PAK3: variants seen among roughly 807,000 people sequenced by gnomAD.
PAK3 encodes the protein p21 (RAC1) activated kinase 3.
A neutral mutation model predicts 41.0 loss-of-function variants in PAK3; 4 were observed. The observed-to-expected ratio is 0.10, with a 90% CI of 0.05 to 0.22. PAK3 has a LOEUF of 0.22. Ranked by LOEUF, PAK3 falls within the 10% of genes least tolerant of loss-of-function variation. PAK3 has a pLI of 1.00. For synonymous variants in PAK3, 146 were observed against 139.6 expected (o/e 1.05, Z -0.32); for missense variants, 205 against 409.9 (o/e 0.50, Z 4.32).
chrX:110,997,124 C>A (rs1382649324), intron 1 of PAK3, among the ~76,000 whole-genome samples: 1 of 110,673 alleles, frequency 9.0e-6, no homozygotes, highest in African/African-American at 3.3e-5. Context: ...TGAAGAACAG[C>A]AAGGGGGCCG....
chrX:111,215,557 A>T lies in PAK3; in HGVS notation c.1408-864A>T, dbSNP rs951046706. 4.5e-4 allele frequency among the ~76,000 whole-genome samples: 50 copies of T among 111,596 alleles called. 1 individual carries two copies. Among genetic ancestry groups the T allele is most frequent in the Non-Finnish European group, 5.6e-5 (3 of 53,101 alleles). ...CCGTCTCAAAAAAAAAACCTTCAAA[A>T]GATGGGTTTACCTTTGTGAATTAAT... On this transcript the variant is annotated intron_variant, in intron 16 of 17. Transcript: ENST00000372007.
chrX:111,128,225 G>A (rs1278795354), intron 5 of PAK3, among the ~76,000 whole-genome samples: 3 of 112,113 alleles, frequency 2.7e-5, no homozygotes, highest in Non-Finnish European at 5.6e-5. Context: ...GCAGTGCTGT[G>A]TAATGGACTG....
chrX:111,025,450 A>G (rs1167331038), intron 1 of PAK3, among the ~76,000 whole-genome samples: 1 of 111,750 alleles, frequency 8.9e-6, no homozygotes, highest in Admixed American at 9.5e-5. Context: ...TAGAAACAAA[A>G]CGGGAGATAT....
chrX:111,089,315 A>G (rs2092912753), intron 1 of PAK3, among the ~76,000 whole-genome samples: 5 of 112,419 alleles, frequency 4.4e-5, no homozygotes, highest in Admixed American at 2.8e-4. Context: ...AAGATGTTTA[A>G]TGGGAGAACA....
At chrX:111,046,477 T>A (rs1437996989) in intron 1 of PAK3, among the ~76,000 whole-genome samples, 8 of 111,845 alleles carry the variant, frequency 7.2e-5, no homozygotes, top group African/African-American at 2.6e-4. Flanking sequence ...GTTGTGAGGA[T>A]ACAAGTGATA....
intron 11 of PAK3, among the ~76,000 whole-genome samples, chrX:111,180,751 A>G (rs149767104): frequency 3.7e-4 from 41 of 111,664 alleles, no homozygotes; most frequent in Non-Finnish European, 5.7e-4. Flanking sequence ...ATACTTTTTA[A>G]ACAGATGCAG....
At chrX:111,154,001 G>C (rs184833814) in intron 8 of PAK3, among the ~76,000 whole-genome samples, 7 of 111,977 alleles carry the variant, frequency 6.3e-5, no homozygotes, top group Non-Finnish European at 3.8e-5. Flanking sequence ...CAACATGGAT[G>C]AACCAGGAGA....
At chrX:111,002,359 TTC>T (rs2091861669) in intron 1 of PAK3, among the ~76,000 whole-genome samples, 1 of 111,990 alleles carries the variant, frequency 8.9e-6, no homozygotes, top group Non-Finnish European at 1.9e-5. Context: ...GGCTCTAGAA[TTC>T]TGTGTCCTTA....
In PAK3 at chrX:111,096,292, C is replaced by T. The variant is rs2092980665; in HGVS notation, c.-476C>T. 8.9e-6 allele frequency: 1 copy of T among 111,779 alleles called. No individual in the cohort carries two copies. 9.2% of individuals were successfully genotyped at this position (111,779 alleles called of 1,213,427 possible). A position where few individuals can be genotyped will look rare whatever the true frequency, so the allele number is the denominator to read the frequency against. On this transcript the variant is annotated 5_prime_UTR_variant, in exon 1 of 18. Transcript: ENST00000372007. ...CAGTGTGCGGGGGCGGGAGAAGAGC[C>T]AGGGGGAGCGGGCTGGGCCCGGGGC...
intron 4 of PAK3, among the ~76,000 whole-genome samples, chrX:111,105,121 A>G (rs1485695079): frequency 9.0e-6 from 1 of 111,620 alleles, no homozygotes; most frequent in Non-Finnish European, 1.9e-5. Flanking sequence ...ACACAATCAT[A>G]TTTACATACA....
intron 1 of PAK3, among the ~76,000 whole-genome samples, chrX:110,993,720 T>C (rs1439307866): frequency 8.9e-6 from 1 of 112,026 alleles, no homozygotes; most frequent in African/African-American, 3.2e-5. Context: ...TGATCTAAGA[T>C]AGGATGTTTT....
chrX:111,014,440 G>C (rs1330919990), intron 1 of PAK3, among the ~76,000 whole-genome samples: 1 of 111,638 alleles, frequency 9.0e-6, no homozygotes, highest in Non-Finnish European at 1.9e-5. Flanking sequence ...GAAGTTGGGG[G>C]TGAGAAAGTA....
intron 5 of PAK3, among the ~76,000 whole-genome samples, chrX:111,134,422 C>T (rs1010398563): frequency 1.7e-4 from 19 of 112,344 alleles, no homozygotes; most frequent in Non-Finnish European, 2.3e-4. Flanking sequence ...TAGGCATGAC[C>T]TGTCCCCATA....
chrX:111,010,563 T>C (rs1410947389), intron 1 of PAK3, among the ~76,000 whole-genome samples: 1 of 111,666 alleles, frequency 9.0e-6, no homozygotes, highest in Non-Finnish European at 1.9e-5. Flanking sequence ...CCCTTGGTGA[T>C]GAGTGAGTTC....
chrX:111,112,713 A>G (rs1261091428), intron 4 of PAK3, among the ~76,000 whole-genome samples: 2 of 111,986 alleles, frequency 1.8e-5, no homozygotes, highest in East Asian at 2.8e-4. Context: ...AAGTAGAGCT[A>G]GAGTTAGTCA....
intron 1 of PAK3, among the ~76,000 whole-genome samples, chrX:111,084,726 C>A (rs745702847): frequency 8.9e-6 from 1 of 112,330 alleles, no homozygotes; most frequent in Non-Finnish European, 1.9e-5. Context: ...CATTGTCTGA[C>A]AGCTGAGTCA....
At chrX:111,100,440 C>T (rs764377133) in intron 3 of PAK3, among the ~76,000 whole-genome samples, 16 of 111,421 alleles carry the variant, frequency 1.4e-4, no homozygotes, top group Non-Finnish European at 5.7e-5. Context: ...TCACCAGTGC[C>T]CTTGTGCAGC....
At chrX:111,105,531 C>A (rs773733411) in intron 4 of PAK3, among the ~76,000 whole-genome samples, 2 of 111,863 alleles carry the variant, frequency 1.8e-5, no homozygotes, top group African/African-American at 6.5e-5. Flanking sequence ...GGGACACAAA[C>A]GTGCATACAT....
At chrX:111,005,710 CT>C (rs2091912650) in intron 1 of PAK3, among the ~76,000 whole-genome samples, 1 of 111,948 alleles carries the variant, frequency 8.9e-6, no homozygotes, top group African/African-American at 3.2e-5. Flanking sequence ...ACCATCTGCC[CT>C]TGCTCTTCTC....
Sources: allele counts gnomAD v4.1 joint callset (sites outside exome capture counted in the v4.1 genomes callset), GRCh38; gene constraint gnomAD v4.1.1; transcripts MANE v1.5; gene names NCBI Gene and HGNC (gene_info 2026-07-23, HGNC 2026-07-21).